Variants in HS6ST3 observed in about 807,000 individuals in gnomAD.
HS6ST3 encodes the protein heparan-sulfate 6-O-sulfotransferase 3.
A neutral mutation model predicts 36.7 loss-of-function variants in HS6ST3; 12 were observed. The observed-to-expected ratio is 0.33, with a 90% CI of 0.21 to 0.53. The LOEUF (loss-of-function observed/expected upper bound fraction) is 0.53. HS6ST3 is among the 20% of genes least tolerant of loss of function. HS6ST3 has a pLI of 0.95. For synonymous variants in HS6ST3, 240 were observed against 257.5 expected (o/e 0.93, Z 0.65); for missense variants, 584 against 640.9 (o/e 0.91, Z 0.96).
intron 1 of HS6ST3, among the ~76,000 whole-genome samples, chr13:96,303,323 G>C (rs1278544920): frequency 6.6e-6 from 1 of 152,166 alleles, no homozygotes; most frequent in Non-Finnish European, 1.5e-5. Flanking sequence ...ATCTAGTGAG[G>C]ACTGCAGAGA....
intron 1 of HS6ST3, among the ~76,000 whole-genome samples, chr13:96,308,716 C>T (rs2054925753): frequency 6.6e-6 from 1 of 152,090 alleles, no homozygotes; most frequent in Admixed American, 6.5e-5. Flanking sequence ...CCCCTCTGAA[C>T]AGCCATGTTT....
chr13:96,246,846 G>T (rs1440584071), intron 1 of HS6ST3, among the ~76,000 whole-genome samples: 1 of 152,136 alleles, frequency 6.6e-6, no homozygotes, highest in Non-Finnish European at 1.5e-5. Context: ...TATGGGCCAG[G>T]TAGTGTAAAA....
Position 96,837,445 on chromosome 13 carries a change from AG to A in HS6ST3, c.*4248del, listed in dbSNP as rs1254415368. 6.6e-6 allele frequency: 1 copy of A among 152,266 alleles called. No individual in the cohort carries two copies. The allele number at this position is 152,266 out of a possible 1,614,324, so 9.4% of individuals were successfully genotyped here. A position where few individuals can be genotyped will look rare whatever the true frequency, so the allele number is the denominator to read the frequency against. On this transcript the variant is annotated 3_prime_UTR_variant, in exon 2 of 2. Coordinates refer to ENST00000376705, the MANE Select transcript of HS6ST3 (RefSeq NM_153456.4). The stretch of plus-strand genomic sequence containing the variant: ...TCCCAACGACTCTAATTTATGAGCA[AG>A]AAAGTTGCTTAGAGCCCCAGCCTTT...
At chr13:96,510,728 T>G (rs994985093) in intron 1 of HS6ST3, among the ~76,000 whole-genome samples, 9 of 152,174 alleles carry the variant, frequency 5.9e-5, no homozygotes, top group African/African-American at 2.2e-4. Flanking sequence ...ACATTATTAA[T>G]GTTATTATTA....
chr13:96,725,907 G>A (rs1057417916), intron 1 of HS6ST3, among the ~76,000 whole-genome samples: 6 of 152,052 alleles, frequency 3.9e-5, no homozygotes, highest in African/African-American at 1.4e-4. Context: ...CGCGATCTCA[G>A]CTCACTGCAA....
Position 96,769,755 on chromosome 13 carries a change from T to C in HS6ST3, c.708-62735T>C, listed in dbSNP as rs1005129923. 1.5e-4 allele frequency among the ~76,000 whole-genome samples: 23 copies of C among 150,170 alleles called. No individual in the cohort carries two copies. The South Asian group carries it at 2.3e-3, about 15-fold the overall frequency. On this transcript the variant is annotated intron_variant, in intron 1 of 1. Transcript: ENST00000376705. ...AGCTCTGTGTGTGTGTGTGTGTGTG[T>C]GTGTGTGTGTGTGTGTGTGCGCACA...
At chr13:96,485,577 A>G (rs1368436392) in intron 1 of HS6ST3, among the ~76,000 whole-genome samples, 1 of 152,134 alleles carries the variant, frequency 6.6e-6, no homozygotes, top group East Asian at 1.9e-4. Context: ...ATTTATTTTC[A>G]TACTACTGTA....
intron 1 of HS6ST3, among the ~76,000 whole-genome samples, chr13:96,677,503 A>G (rs2056702740): frequency 6.6e-6 from 1 of 152,156 alleles, no homozygotes; most frequent in Non-Finnish European, 1.5e-5. Flanking sequence ...TTACACATAT[A>G]TATACACATA....
chr13:96,325,979 A>G (rs1214426842), intron 1 of HS6ST3, among the ~76,000 whole-genome samples: 3 of 152,172 alleles, frequency 2.0e-5, no homozygotes, highest in African/African-American at 7.2e-5. Context: ...TGAGAAAGAA[A>G]AGATCTAAGA....
intron 1 of HS6ST3, among the ~76,000 whole-genome samples, chr13:96,107,657 A>G (rs957042235): frequency 6.6e-6 from 1 of 152,196 alleles, no homozygotes; most frequent in Non-Finnish European, 1.5e-5. Flanking sequence ...GGGACCCCAA[A>G]TAGAGGGACT....
chr13:96,766,727 G>A (rs887879075), intron 1 of HS6ST3, among the ~76,000 whole-genome samples: 17 of 152,002 alleles, frequency 1.1e-4, no homozygotes, highest in Admixed American at 1.0e-3. Context: ...AAAATAATAC[G>A]CTCTTTGTCA....
chr13:96,729,164 T>C (rs1392720574), intron 1 of HS6ST3, among the ~76,000 whole-genome samples: 3 of 152,012 alleles, frequency 2.0e-5, no homozygotes, highest in African/African-American at 4.8e-5. Flanking sequence ...TGCCCATTAG[T>C]GGGGTGGGAG....
At chr13:96,191,746 C>G (rs2054289499) in intron 1 of HS6ST3, among the ~76,000 whole-genome samples, 1 of 152,118 alleles carries the variant, frequency 6.6e-6, no homozygotes, top group African/African-American at 2.4e-5. Context: ...TTTTGTCAAT[C>G]AAATGAATAT....
intron 1 of HS6ST3, among the ~76,000 whole-genome samples, chr13:96,118,674 ATATATATATATATATTTTTTTTTTTTT>A: frequency 4.7e-5 from 1 of 21,484 alleles, no homozygotes; most frequent in Non-Finnish European, 7.6e-5. Context: ...ATATATATAT[ATATATATATATATATTTTTTTTTTTTT>A]TTTTTTTTTT....
At chr13:96,644,583 G>C (rs2056581430) in intron 1 of HS6ST3, among the ~76,000 whole-genome samples, 1 of 151,958 alleles carries the variant, frequency 6.6e-6, no homozygotes, top group Non-Finnish European at 1.5e-5. Context: ...CTGCCTCAGG[G>C]GTGCAGAATG....
At chr13:96,273,921 C>G (rs2054733655) in intron 1 of HS6ST3, among the ~76,000 whole-genome samples, 1 of 119,804 alleles carries the variant, frequency 8.3e-6, no homozygotes, top group Non-Finnish European at 1.8e-5. Flanking sequence ...CCCTTCCTTC[C>G]TTCTTCCCTC....
intron 1 of HS6ST3, among the ~76,000 whole-genome samples, chr13:96,557,839 G>A (rs568535754): frequency 8.5e-5 from 13 of 152,296 alleles, no homozygotes; most frequent in African/African-American, 3.1e-4. Context: ...TTGGAAGTCA[G>A]ACAGTTAAGT....
chr13:96,255,180 G>A (rs1172236750), intron 1 of HS6ST3, among the ~76,000 whole-genome samples: 2 of 152,226 alleles, frequency 1.3e-5, no homozygotes, highest in African/African-American at 4.8e-5. Context: ...TCCATCCACA[G>A]GGAGTTATCT....
chr13:96,600,514 G>A (rs995791357), intron 1 of HS6ST3, among the ~76,000 whole-genome samples: 1 of 151,886 alleles, frequency 6.6e-6, no homozygotes, highest in East Asian at 1.9e-4. Context: ...TTTTCATTGT[G>A]TGGAATATTT....
Sources: allele counts gnomAD v4.1 joint callset (sites outside exome capture counted in the v4.1 genomes callset), GRCh38; gene constraint gnomAD v4.1.1; transcripts MANE v1.5; gene names NCBI Gene and HGNC (gene_info 2026-07-23, HGNC 2026-07-21).